TMTC1: variants seen among roughly 807,000 people sequenced by gnomAD.
The protein encoded by TMTC1 is protein O-mannosyl-transferase TMTC1.
TMTC1 carries 73 observed loss-of-function variants against 104.8 expected under a neutral mutation model. The ratio of observed to expected loss-of-function variants is 0.70; its 90% confidence interval spans 0.58 to 0.85. The LOEUF is 0.85. TMTC1 is among the 40% of genes least tolerant of loss of function. The pLI, the probability that TMTC1 is intolerant of heterozygous loss-of-function variation, is 0.00. For synonymous variants in TMTC1, 434 were observed against 428.7 expected, an observed-to-expected ratio of 1.01 and a Z score of -0.15; for missense variants, 1,035 against 1,096.1, an observed-to-expected ratio of 0.94 and a Z score of 0.79.
At chr12:29,702,634 G>A (rs895399561) in intron 5 of TMTC1, among the ~76,000 whole-genome samples, 2 of 152,156 alleles carry the variant, frequency 1.3e-5, no homozygotes, top group African/African-American at 4.8e-5. Flanking sequence ...ACTAAGCGCA[G>A]TGCACACTCA....
At chr12:29,753,992 G>A (rs755698268) in intron 4 of TMTC1, among the ~76,000 whole-genome samples, 3 of 152,044 alleles carry the variant, frequency 2.0e-5, no homozygotes, top group East Asian at 1.9e-4. Flanking sequence ...TCAGCCTCCC[G>A]AGTAGCTGGG....
intron 5 of TMTC1, among the ~76,000 whole-genome samples, chr12:29,651,665 C>G (rs1402346518): frequency 3.3e-5 from 5 of 152,178 alleles, no homozygotes; most frequent in Admixed American, 3.3e-4. Context: ...AAAAATTAAA[C>G]CTTTTCATGT....
chr12:29,563,007 T>A (rs1351321911), intron 9 of TMTC1, among the ~76,000 whole-genome samples: 1 of 152,190 alleles, frequency 6.6e-6, no homozygotes, highest in African/African-American at 2.4e-5. Context: ...ATTACACCCA[T>A]TATTTCTTCA....
intron 5 of TMTC1, among the ~76,000 whole-genome samples, chr12:29,635,710 C>A (rs1029251684): frequency 1.3e-5 from 2 of 152,130 alleles, no homozygotes; most frequent in African/African-American, 4.8e-5. Flanking sequence ...CTAATCAAGT[C>A]CTAAATCTAA....
intron 5 of TMTC1, among the ~76,000 whole-genome samples, chr12:29,742,010 A>C (rs1052202889): frequency 6.6e-6 from 1 of 152,210 alleles, no homozygotes; most frequent in African/African-American, 2.4e-5. Context: ...TTGCAGTGTG[A>C]ATCATCATTC....
intron 9 of TMTC1, among the ~76,000 whole-genome samples, chr12:29,563,998 G>C (rs1945445045): frequency 6.6e-6 from 1 of 152,148 alleles, no homozygotes; most frequent in Non-Finnish European, 1.5e-5. Flanking sequence ...GCTTTACTGG[G>C]AGGGGCAGCA....
intron 6 of TMTC1, among the ~76,000 whole-genome samples, chr12:29,631,428 T>A (rs992272990): frequency 2.0e-5 from 3 of 152,218 alleles, no homozygotes; most frequent in African/African-American, 7.2e-5. Flanking sequence ...GTATACTGTA[T>A]AAGGTAAGGG....
At chr12:29,728,141 A>C (rs1254649162) in intron 5 of TMTC1, among the ~76,000 whole-genome samples, 1 of 152,214 alleles carries the variant, frequency 6.6e-6, no homozygotes, top group African/African-American at 2.4e-5. Context: ...TAGTATCTTA[A>C]GCATCAGGCT....
intron 11 of TMTC1, among the ~76,000 whole-genome samples, chr12:29,521,713 A>T (rs1431867784): frequency 2.0e-5 from 3 of 151,770 alleles, no homozygotes; most frequent in Non-Finnish European, 4.4e-5. Context: ...GATTACAGGC[A>T]TGTGCCACCA....
rs146847143 is a variant in TMTC1, at chr12:29,557,919, A to C, written c.1533-919T>G. ...ACTGCAGTTTGGTTCCACCTGTCCT[A>C]GTACAGTCTCAGACAGAAAATACTA... On this transcript the variant is annotated intron_variant, in intron 9 of 17. Coordinates refer to ENST00000539277, the MANE Select transcript of TMTC1 (RefSeq NM_001193451.2). Among the ~76,000 whole-genome samples the C allele has an allele frequency of 1.4e-3, 207 of 152,262 alleles. 1 individual carries two copies. The highest frequency in any genetic ancestry group is 4.7e-3 in the African/African-American group (196 of 41,536).
At chr12:29,701,210 C>T (rs926074587) in intron 5 of TMTC1, among the ~76,000 whole-genome samples, 3 of 152,060 alleles carry the variant, frequency 2.0e-5, no homozygotes, top group Admixed American at 6.6e-5. Flanking sequence ...CATGGGAATC[C>T]ACTCAAAGAG....
intron 5 of TMTC1, among the ~76,000 whole-genome samples, chr12:29,649,418 T>A (rs527801349): frequency 6.6e-6 from 1 of 152,160 alleles, no homozygotes. Context: ...TTTCAAGCTA[T>A]GAGAAACTAA....
rs1276161842 is a variant in TMTC1, at chr12:29,655,629, A to G, written c.939-22293T>C. On this transcript the variant is annotated intron_variant, in intron 5 of 17. Coordinates refer to ENST00000539277, the MANE Select transcript of TMTC1 (RefSeq NM_001193451.2). ...CCATGTCTTAGAAATTTTGCTTAAC[A>G]AAGGTTTTTCATAAGCATACCACAA... 2.6e-5 allele frequency among the ~76,000 whole-genome samples: 4 copies of G among 152,186 alleles called. No individual in the cohort carries two copies. In the East Asian group the frequency reaches 7.7e-4, roughly 29 times the overall value.
At chr12:29,533,280 C>A (rs1439028537) in intron 11 of TMTC1, 1 of 152,156 alleles carries the variant, frequency 6.6e-6, no homozygotes, top group Non-Finnish European at 1.5e-5. Context: ...TTTCTCCCCT[C>A]AGGTTACAAC....
chr12:29,723,729 G>A lies in TMTC1; in HGVS notation c.938+27937C>T, dbSNP rs373074234. 5.9e-4 allele frequency among the ~76,000 whole-genome samples: 90 copies of A among 151,434 alleles called. 1 individual carries two copies. In the South Asian group the frequency reaches 0.017, roughly 28 times the overall value. ...TCTCTACTGTCTGTAAGGAAAAAAC[G>A]AGAGAGAGAGAGAAGGAAACCAGAA... On this transcript the variant is annotated intron_variant, in intron 5 of 17. Coordinates refer to ENST00000539277, the MANE Select transcript of TMTC1 (RefSeq NM_001193451.2).
At chr12:29,694,501 G>A (rs11050389) in intron 5 of TMTC1, among the ~76,000 whole-genome samples, 8,528 of 151,896 alleles carry the variant, frequency 0.056, 335 homozygotes, top group African/African-American at 0.11. Flanking sequence ...TTGTTATACT[G>A]TATTGCTTTT....
intron 16 of TMTC1, among the ~76,000 whole-genome samples, chr12:29,513,679 A>C (rs187457221): frequency 6.6e-6 from 1 of 152,316 alleles, no homozygotes; most frequent in Admixed American, 6.5e-5. Flanking sequence ...AAAGTATGTA[A>C]CATTGTAACA....
intron 6 of TMTC1, among the ~76,000 whole-genome samples, chr12:29,605,196 T>C (rs1426550851): frequency 2.6e-5 from 4 of 152,110 alleles, no homozygotes; most frequent in African/African-American, 9.7e-5. Context: ...CTTTTAATGT[T>C]TCCTTTAAAC....
intron 6 of TMTC1, among the ~76,000 whole-genome samples, chr12:29,613,367 C>CA (rs762936043): frequency 1.1e-4 from 16 of 152,222 alleles, no homozygotes; most frequent in Admixed American, 2.0e-4. Flanking sequence ...AACATCTGGG[C>CA]AAAAGCTCAG....
Sources: allele counts gnomAD v4.1 joint callset (sites outside exome capture counted in the v4.1 genomes callset), GRCh38; gene constraint gnomAD v4.1.1; transcripts MANE v1.5; gene names NCBI Gene and HGNC (gene_info 2026-07-23, HGNC 2026-07-21).